SNX27: variants seen among roughly 807,000 people sequenced by gnomAD.
The protein encoded by SNX27 is sorting nexin 27.
A neutral mutation model predicts 71.6 loss-of-function variants in SNX27; 22 were observed. The ratio of observed to expected loss-of-function variants is 0.31; its 90% CI spans 0.22 to 0.44. SNX27 has a LOEUF of 0.44. Ranked by LOEUF, SNX27 falls within the 20% of genes least tolerant of loss-of-function variation. The pLI is 1.00. For synonymous variants in SNX27, 269 were observed against 277.2 expected (o/e 0.97, Z 0.29); for missense variants, 531 against 698.6 (o/e 0.76, Z 2.70).
chr1:151,632,238 A>G (rs901021096), intron 1 of SNX27, among the ~76,000 whole-genome samples: 5 of 151,814 alleles, frequency 3.3e-5, no homozygotes, highest in African/African-American at 1.2e-4. Flanking sequence ...GCTCACTGCA[A>G]TGTCTGCCTT....
chr1:151,672,869 T>TA (rs1260591295), intron 7 of SNX27, among the ~76,000 whole-genome samples: 1 of 151,448 alleles, frequency 6.6e-6, no homozygotes, highest in Non-Finnish European at 1.5e-5. Flanking sequence ...TGGATCTTCT[T>TA]TTTTTTTTCT....
intron 1 of SNX27, among the ~76,000 whole-genome samples, chr1:151,634,030 A>G (rs1291736087): frequency 6.6e-6 from 1 of 151,738 alleles, no homozygotes; most frequent in Non-Finnish European, 1.5e-5. Flanking sequence ...CTTGTAGTAA[A>G]TGTATGTTTA....
chr1:151,678,244 C>T (rs1670784999), intron 7 of SNX27: 1 of 152,190 alleles, frequency 6.6e-6, no homozygotes, highest in Non-Finnish European at 1.5e-5. Context: ...ACTCTGTACC[C>T]ATCAAACAAC....
intron 1 of SNX27, chr1:151,614,167 A>C (rs1667322705): frequency 6.7e-6 from 1 of 149,216 alleles, no homozygotes; most frequent in African/African-American, 2.5e-5. Context: ...TTAACCTGGG[A>C]GAGTTGATTG....
At chr1:151,644,692 C>A (rs1668954857) in intron 2 of SNX27, among the ~76,000 whole-genome samples, 1 of 152,078 alleles carries the variant, frequency 6.6e-6, no homozygotes, top group South Asian at 2.1e-4. Context: ...TGAGGAACTG[C>A]CAAACTGTTT....
rs1667206431 is a variant in SNX27, at chr1:151,612,240, C to T, written c.39C>T (p.Ala13=). ...ACGGGGAAGGGATTCATCCCTCAGCCCCTCACAGGAACGGAGGTGGCGGCG... is the reference window on the plus strand; with the variant it reads ...ACGGGGAAGGGATTCATCCCTCAGCTCCTCACAGGAACGGAGGTGGCGGCG... ...DEDGEGIHPS[A]PHRNGGGGGG... is the part of the protein sequence containing the mutation. The change falls in exon 1 of 12, where the codon GCC becomes GCT. Residue 13 remains alanine (A), a synonymous_variant. Coordinates refer to ENST00000458013, the MANE Select transcript of SNX27 (RefSeq NM_001330723.2). This position sits in a 1 kb window ranked among gnomAD's most constrained non-coding sequence, Gnocchi z 5.2. 7.7e-6 allele frequency: 11 copies of T among 1,428,428 alleles called. No individual in the cohort carries two copies. The highest frequency in any genetic ancestry group is 1.0e-5 in the Non-Finnish European group (11 of 1,093,692). 88.5% of individuals were successfully genotyped at this position (1,428,428 alleles called of 1,614,324 possible).
chr1:151,639,106 G>A lies in SNX27; in HGVS notation c.530G>A (p.Gly177Asp). 2 of 1,613,506 alleles carry A rather than the reference G, an allele frequency of 1.2e-6. No homozygotes were observed. The highest frequency in any genetic ancestry group is 1.7e-6 in the Non-Finnish European group (2 of 1,179,484). ...VPRYKHVEQNGEKFVVYNVYM... is the reference protein window; with the variant it reads ...VPRYKHVEQNDEKFVVYNVYM... ...AGATACAAACATGTGGAGCAGAATG[G>A]TGAGAAGTTTGTGGTGAGTGTCAGC... Residue 177 changes from glycine (G) to aspartate (D), a missense_variant, in exon 2 of 12, where the codon GGT becomes GAT. This residue lies in a region of SNX27 where 184 missense variants were observed against 289.6 expected (regional missense o/e 0.64). Coordinates refer to ENST00000458013, the MANE Select transcript of SNX27 (RefSeq NM_001330723.2).
intron 1 of SNX27, among the ~76,000 whole-genome samples, chr1:151,626,521 G>A (rs1206958834): frequency 1.3e-5 from 2 of 152,086 alleles, no homozygotes; most frequent in East Asian, 1.9e-4. Flanking sequence ...GGCCAGCATG[G>A]AGAAACCTGT....
intron 7 of SNX27, among the ~76,000 whole-genome samples, chr1:151,681,204 A>G (rs1399161867): frequency 6.8e-6 from 1 of 147,104 alleles, no homozygotes; most frequent in Non-Finnish European, 1.5e-5. Context: ...TTGGTAGGTG[A>G]CAGAACTAGA....
intron 2 of SNX27, among the ~76,000 whole-genome samples, chr1:151,646,899 A>ACACACAAACAAACACACACT (rs1317469089): frequency 6.6e-6 from 1 of 150,916 alleles, no homozygotes; most frequent in African/African-American, 2.4e-5. Flanking sequence ...ACACACACAC[A>ACACACAAACAAACACACACT]CACAAACAAA....
At chr1:151,661,840 C>T (rs368432033) in intron 4 of SNX27, among the ~76,000 whole-genome samples, 1 of 152,134 alleles carries the variant, frequency 6.6e-6, no homozygotes, top group East Asian at 1.9e-4. Flanking sequence ...TTTCTCCTCT[C>T]ACTTGTGAAT....
At chr1:151,689,311 T>G (rs1671331667) in intron 8 of SNX27, among the ~76,000 whole-genome samples, 1 of 152,198 alleles carries the variant, frequency 6.6e-6, no homozygotes, top group Non-Finnish European at 1.5e-5. Flanking sequence ...GAACCCATTT[T>G]TGTCAGGCTC....
intron 1 of SNX27, among the ~76,000 whole-genome samples, chr1:151,632,947 C>T (rs1668306894): frequency 1.3e-5 from 2 of 152,100 alleles, no homozygotes; most frequent in African/African-American, 4.8e-5. Context: ...TCTCAGCTCA[C>T]TGCAAGCTCC....
chr1:151,662,900 C>T (rs184756944), intron 5 of SNX27, among the ~76,000 whole-genome samples: 2 of 151,930 alleles, frequency 1.3e-5, no homozygotes, highest in Admixed American at 1.3e-4. Flanking sequence ...GCCACATTTG[C>T]GTTATGTATG....
At chr1:151,658,498 T>G in intron 3 of SNX27, 71 bp downstream of exon 3, 1 of 1,423,134 alleles carries the variant, frequency 7.0e-7, no homozygotes, top group Non-Finnish European at 9.6e-7. Flanking sequence ...CTAAACTGCA[T>G]AGCTGAATTT....
intron 1 of SNX27, among the ~76,000 whole-genome samples, chr1:151,615,179 T>C (rs1431113050): frequency 1.3e-5 from 2 of 152,196 alleles, no homozygotes; most frequent in African/African-American, 4.8e-5. Context: ...TCTGGAAGGT[T>C]GTGATAATCA....
intron 2 of SNX27, among the ~76,000 whole-genome samples, chr1:151,655,317 T>C (rs182587126): frequency 6.6e-6 from 1 of 152,288 alleles, no homozygotes; most frequent in African/African-American, 2.4e-5. Context: ...GGAGGGAAGT[T>C]GAATGATTCC....
At chr1:151,653,826 A>G (rs1469125765) in intron 2 of SNX27, among the ~76,000 whole-genome samples, 1 of 126,878 alleles carries the variant, frequency 7.9e-6, no homozygotes, top group African/African-American at 2.7e-5. Context: ...CAGCCTGGAG[A>G]GTTTTTTTTG....
At chr1:151,694,322 T>A (rs1406457624) in intron 11 of SNX27, 48 bp from the exon 12 acceptor site, 7 of 1,548,048 alleles carry the variant, frequency 4.5e-6, no homozygotes, top group Non-Finnish European at 5.2e-6. Context: ...TGTCTCCAGA[T>A]AAGAGGAGAT....
Sources: gnomAD v4.1 joint callset for allele counts (sites outside exome capture counted in the v4.1 genomes callset) on GRCh38, gnomAD v4.1.1 for gene constraint, gnomAD v4.1.1 regional missense constraint, Gnocchi (gnomAD v3.1) non-coding constraint, MANE v1.5 for transcripts, NCBI Gene and HGNC (gene_info 2026-07-23, HGNC 2026-07-21) for gene names.